The following DENND5B variants were observed in gnomAD, a reference collection of about 807,000 sequenced individuals.
DENND5B encodes the protein DENN domain-containing protein 5B.
In DENND5B, 34 loss-of-function variants were observed where a neutral mutation model predicts 140.6. That is an observed-to-expected ratio of 0.24 (90% CI 0.18 to 0.32). The LOEUF (loss-of-function observed/expected upper bound fraction) is 0.32. DENND5B is among the 10% of genes least tolerant of loss of function. The pLI is 1.00. For missense variants in DENND5B, 1,142 were observed against 1,560.2 expected (o/e 0.73, Z 4.52); for synonymous variants, 551 against 562.1 (o/e 0.98, Z 0.28).
intron 1 of DENND5B, among the ~76,000 whole-genome samples, chr12:31,583,790 C>T (rs1677189): frequency 0.81 from 123,564 of 152,246 alleles, 50,464 homozygotes; most frequent in African/African-American, 0.89. Context: ...TATTTCATCA[C>T]AGATTCTTAT....
intron 1 of DENND5B, among the ~76,000 whole-genome samples, chr12:31,549,732 T>C (rs1158798743): frequency 6.6e-6 from 1 of 152,282 alleles, no homozygotes; most frequent in East Asian, 1.9e-4. Context: ...CAGTGTGTGT[T>C]GTTCCCCTCC....
chr12:31,589,981 C>A lies in DENND5B; in HGVS notation c.127+725G>T, dbSNP rs191597813. The A allele has an allele frequency of 2.1e-3, 319 of 152,410 alleles. 3 individuals are homozygous for A. The highest frequency in any genetic ancestry group is 3.2e-3 in the Non-Finnish European group (221 of 68,268). 9.4% of individuals were successfully genotyped at this position (152,410 alleles called of 1,614,324 possible). A position where few individuals can be genotyped will look rare whatever the true frequency, so the allele number is the denominator to read the frequency against. ...CCGGTACCCCTCCGGGAAAACCAGG[C>A]ACTAACACACGGTGCACCCAACTGA... On this transcript the variant is annotated intron_variant, in intron 1 of 20. Transcript: ENST00000389082.
chr12:31,565,771 C>T (rs535576983), intron 1 of DENND5B, among the ~76,000 whole-genome samples: 32 of 152,228 alleles, frequency 2.1e-4, no homozygotes, highest in African/African-American at 7.5e-4. Flanking sequence ...GCAATGCAAA[C>T]TTAGGTAATT....
chr12:31,576,359 A>G (rs1006978088), intron 1 of DENND5B, among the ~76,000 whole-genome samples: 4 of 151,746 alleles, frequency 2.6e-5, no homozygotes, highest in Admixed American at 2.0e-4. Context: ...AGGCTGAGGC[A>G]TCAGAATCGC....
chr12:31,444,534 G>C (rs1329038928), intron 6 of DENND5B, among the ~76,000 whole-genome samples: 10 of 152,166 alleles, frequency 6.6e-5, no homozygotes, highest in Admixed American at 3.9e-4. Context: ...GTTAGCCATT[G>C]TGCCTGGCCA....
chr12:31,394,925 T>C (rs765870588), intron 17 of DENND5B, among the ~76,000 whole-genome samples: 1 of 152,188 alleles, frequency 6.6e-6, no homozygotes, highest in Non-Finnish European at 1.5e-5. Context: ...CCTGTGCTCT[T>C]TTCAGTTACC....
chr12:31,482,576 TC>T (rs1199927761), intron 2 of DENND5B, among the ~76,000 whole-genome samples: 2 of 152,032 alleles, frequency 1.3e-5, no homozygotes, highest in African/African-American at 2.4e-5. Context: ...TGCTGTTGCT[TC>T]TTTTTTTTTT....
At chr12:31,471,602 T>C (rs193252550) in intron 3 of DENND5B, among the ~76,000 whole-genome samples, 15 of 151,958 alleles carry the variant, frequency 9.9e-5, no homozygotes, top group African/African-American at 3.4e-4. Context: ...CTTGAACTCC[T>C]GCCCTCAACA....
chr12:31,552,235 C>A lies in DENND5B; in HGVS notation c.127+38471G>T, dbSNP rs139189475. The stretch of plus-strand genomic sequence containing the variant: ...TAGCTCTTATTATTTTGAGATACGT[C>A]CCATCAACACCTAATTTATAGAGAG... On this transcript the variant is annotated intron_variant, in intron 1 of 20. Transcript: ENST00000389082. Among the ~76,000 whole-genome samples, 26 of 152,232 alleles carry A rather than the reference C, an allele frequency of 1.7e-4. No individual in the cohort carries two copies. In the East Asian group the frequency reaches 4.6e-3, roughly 27 times the overall value.
intron 14 of DENND5B, among the ~76,000 whole-genome samples, chr12:31,404,196 G>A (rs1000789365): frequency 1.3e-5 from 2 of 152,204 alleles, no homozygotes; most frequent in Non-Finnish European, 2.9e-5. Context: ...CTGCACTCCA[G>A]CCTGGGCAAC....
chr12:31,407,870 T>C (rs1942220384), intron 14 of DENND5B, among the ~76,000 whole-genome samples: 1 of 152,242 alleles, frequency 6.6e-6, no homozygotes, highest in Non-Finnish European at 1.5e-5. Flanking sequence ...TTCAAGTTTC[T>C]GATACTTGCA....
chr12:31,510,583 C>T (rs1356075853), intron 1 of DENND5B, among the ~76,000 whole-genome samples: 3 of 152,166 alleles, frequency 2.0e-5, no homozygotes, highest in Non-Finnish European at 2.9e-5. Context: ...AGCCAGCTGC[C>T]CTTAGCACCT....
chr12:31,588,652 A>G (rs1203896490), intron 1 of DENND5B, among the ~76,000 whole-genome samples: 1 of 152,258 alleles, frequency 6.6e-6, no homozygotes, highest in Non-Finnish European at 1.5e-5. Flanking sequence ...TTTTATTATA[A>G]GAGACTTCAG....
chr12:31,548,619 T>C (rs1948940930), intron 1 of DENND5B, among the ~76,000 whole-genome samples: 2 of 152,206 alleles, frequency 1.3e-5, no homozygotes, highest in South Asian at 4.1e-4. Context: ...ATTTCCTGTA[T>C]AATTTTCAAC....
At position 31,426,298 on chromosome 12, in the gene DENND5B, T is replaced by C. The variant is rs758558953; in HGVS notation, c.2233A>G (p.Met745Val). 1.2e-6 allele frequency: 2 copies of C among 1,607,242 alleles called. No individual in the cohort carries two copies. The highest frequency in any genetic ancestry group is 1.7e-4 in the Middle Eastern group (1 of 6,046). ...CATCAGTGAATAATACATACCTTCA[T>C]TCTACATTCTTTTAATAAGCCTTCT... Reference protein sequence around the residue: ...FVEGLLKECRMKTKRMLVEKM... With the variant: ...FVEGLLKECRVKTKRMLVEKM... Residue 745 changes from methionine (M) to valine (V), a missense_variant, in exon 9 of 21, where the codon ATG becomes GTG. By Grantham distance (21) the Met-to-Val change is conservative. Around this residue, in one of 5 missense-constraint regions of DENND5B, gnomAD observed 33 missense variants for 90.8 expected, o/e 0.36. Coordinates refer to ENST00000389082, the MANE Select transcript of DENND5B (RefSeq NM_144973.4).
In DENND5B at chr12:31,418,569, T is replaced by C. The variant is rs549286591; in HGVS notation, c.2471-3121A>G. ...TCGGCCTCCCAAAGTGCTGGGATTA[T>C]AGGCATGAGCCATCACACCCGGCCA... On this transcript the variant is annotated intron_variant, in intron 11 of 20. Transcript: ENST00000389082. Among the ~76,000 whole-genome samples, 7 of 151,604 alleles carry C rather than the reference T, an allele frequency of 4.6e-5. No individual in the cohort carries two copies. In the South Asian group the frequency reaches 1.3e-3, roughly 27 times the overall value.
At chr12:31,582,210 T>G (rs1371914423) in intron 1 of DENND5B, among the ~76,000 whole-genome samples, 1 of 152,162 alleles carries the variant, frequency 6.6e-6, no homozygotes, top group Non-Finnish European at 1.5e-5. Context: ...ATAAACTTAG[T>G]TTTTTTACTC....
chr12:31,471,105 T>C (rs1159240012), intron 3 of DENND5B, among the ~76,000 whole-genome samples: 1 of 152,240 alleles, frequency 6.6e-6, no homozygotes, highest in Non-Finnish European at 1.5e-5. Flanking sequence ...TAGGTCAACC[T>C]TGATGCTGGA....
intron 6 of DENND5B, among the ~76,000 whole-genome samples, chr12:31,446,456 G>T (rs1944279427): frequency 6.6e-6 from 1 of 152,120 alleles, no homozygotes; most frequent in African/African-American, 2.4e-5. Flanking sequence ...GCCTGAGTCA[G>T]ATTTAATTTC....
Sources: gnomAD v4.1 joint callset for allele counts (sites outside exome capture counted in the v4.1 genomes callset) on GRCh38, gnomAD v4.1.1 for gene constraint, gnomAD v4.1.1 regional missense constraint, MANE v1.5 for transcripts, NCBI Gene and HGNC (gene_info 2026-07-23, HGNC 2026-07-21) for gene names.